The following SLC35D4 variants were observed in gnomAD, a reference collection of about 807,000 sequenced individuals.
SLC35D4 encodes the protein solute carrier family 35 member D4.
the SLC35D4 span, chr18:23,257,066 G>A: frequency 5.3e-6 from 4 of 748,962 alleles, no homozygotes; most frequent in Non-Finnish European, 8.5e-6. Flanking sequence ...ACCGAAGGCA[G>A]GAAGCACAGC....
the SLC35D4 span, among the ~76,000 whole-genome samples, chr18:23,391,232 A>G: frequency 4.0e-5 from 6 of 151,772 alleles, no homozygotes; most frequent in Non-Finnish European, 7.4e-5. Context: ...GAAAAAAAAA[A>G]AAAGAAAGAA....
the SLC35D4 span, chr18:23,437,800 G>A: frequency 2.5e-6 from 4 of 1,611,990 alleles, no homozygotes; most frequent in Admixed American, 1.7e-5. Flanking sequence ...GAGGTAAGAA[G>A]CCAGGTAGCA....
chr18:23,286,547 C>T, the SLC35D4 span, among the ~76,000 whole-genome samples: 3 of 152,000 alleles, frequency 2.0e-5, no homozygotes, highest in Non-Finnish European at 2.9e-5. Flanking sequence ...CCGATCGCCT[C>T]GGAAGCCCCG....
chr18:23,295,970 T>A, the SLC35D4 span: 1 of 152,174 alleles, frequency 6.6e-6, no homozygotes, highest in Non-Finnish European at 1.5e-5. Context: ...AGTTAGTCAT[T>A]ATTTTCTTAA....
the SLC35D4 span, among the ~76,000 whole-genome samples, chr18:23,359,322 T>C: frequency 3.5e-4 from 52 of 148,976 alleles, no homozygotes; most frequent in African/African-American, 1.2e-3. Context: ...AGGCAGAGGT[T>C]GCAGTAAGCC....
the SLC35D4 span, among the ~76,000 whole-genome samples, chr18:23,398,735 G>A: frequency 2.0e-5 from 3 of 152,128 alleles, no homozygotes; most frequent in Non-Finnish European, 4.4e-5. Context: ...TTATTTGTTT[G>A]TTTTTACTGT....
chr18:23,436,452 A>G, the SLC35D4 span, among the ~76,000 whole-genome samples: 33 of 152,172 alleles, frequency 2.2e-4, no homozygotes, highest in African/African-American at 7.5e-4. Flanking sequence ...ACTGCCTCCC[A>G]GGAAGGCTGC....
At chr18:23,410,287 CT>C in the SLC35D4 span, among the ~76,000 whole-genome samples, 1 of 151,980 alleles carries the variant, frequency 6.6e-6, no homozygotes, top group Non-Finnish European at 1.5e-5. Context: ...ACCATCCTGG[CT>C]AACACAGTGA....
the SLC35D4 span, chr18:23,437,770 C>A: frequency 2.5e-6 from 4 of 1,608,586 alleles, no homozygotes; most frequent in Non-Finnish European, 3.4e-6. Flanking sequence ...CTCCCGCGCC[C>A]GCCCCCTCAC....
the SLC35D4 span, chr18:23,356,547 AC>A: frequency 6.3e-7 from 1 of 1,596,992 alleles, no homozygotes; most frequent in Non-Finnish European, 8.6e-7. The surrounding 1 kb of genome is among the most constrained non-coding windows in gnomAD (Gnocchi z 4.1). Context: ...AGAGGAAGAC[AC>A]AGCGGACAGC....
chr18:23,258,652 T>A, the SLC35D4 span: 1 of 152,266 alleles, frequency 6.6e-6, no homozygotes. Flanking sequence ...TTGCTTTTTG[T>A]ATACCTGTAT....
the SLC35D4 span, among the ~76,000 whole-genome samples, chr18:23,299,530 G>C: frequency 6.6e-6 from 1 of 152,216 alleles, no homozygotes; most frequent in East Asian, 1.9e-4. Flanking sequence ...GGCGGGGACT[G>C]ACTGAGACAT....
At chr18:23,250,053 C>G in the SLC35D4 span, among the ~76,000 whole-genome samples, 2 of 152,146 alleles carry the variant, frequency 1.3e-5, no homozygotes, top group Admixed American at 6.5e-5. Context: ...AGCTCTCTTT[C>G]AAGGGAAGTG....
chr18:23,303,866 C>A, the SLC35D4 span, among the ~76,000 whole-genome samples: 9 of 149,924 alleles, frequency 6.0e-5, no homozygotes, highest in Non-Finnish European at 1.0e-4. Context: ...CGCGCCACTG[C>A]ACTTCAGCCT....
chr18:23,350,393 G>A, the SLC35D4 span, among the ~76,000 whole-genome samples: 2 of 152,124 alleles, frequency 1.3e-5, no homozygotes, highest in Non-Finnish European at 2.9e-5. Flanking sequence ...CTCTGTGTGC[G>A]GGCTGGGAGA....
At chr18:23,257,033 G>A in the SLC35D4 span, 2 of 598,796 alleles carry the variant, frequency 3.3e-6, no homozygotes, top group Non-Finnish European at 2.9e-6. Flanking sequence ...CCTCGGGAAA[G>A]GAGCAGCTCC....
At chr18:23,428,894 T>C in the SLC35D4 span, among the ~76,000 whole-genome samples, 3 of 152,216 alleles carry the variant, frequency 2.0e-5, no homozygotes, top group African/African-American at 2.4e-5. Context: ...TTTATGTCCA[T>C]GTGTACCCAA....
the SLC35D4 span, among the ~76,000 whole-genome samples, chr18:23,271,655 T>C: frequency 6.6e-6 from 1 of 152,164 alleles, no homozygotes; most frequent in African/African-American, 2.4e-5. Context: ...GGTGGGTCTC[T>C]AGATAGCTTC....
chr18:23,401,285 C>T, the SLC35D4 span, among the ~76,000 whole-genome samples: 6 of 152,160 alleles, frequency 3.9e-5, no homozygotes, highest in Admixed American at 3.3e-4. Flanking sequence ...AGCTGTTAAA[C>T]GCCCATTCAT....
Sources: gnomAD v4.1 joint callset for allele counts (sites outside exome capture counted in the v4.1 genomes callset) on GRCh38, gnomAD v4.1.1 for gene constraint, Gnocchi (gnomAD v3.1) non-coding constraint, MANE v1.5 for transcripts, NCBI Gene and HGNC (gene_info 2026-07-23, HGNC 2026-07-21) for gene names.